SPAG16: variants seen among roughly 807,000 people sequenced by gnomAD.
SPAG16 encodes the protein sperm associated antigen 16.
In SPAG16, 86 loss-of-function variants were observed where a neutral mutation model predicts 80.4. The ratio of observed to expected loss-of-function variants is 1.07; its 90% CI spans 0.90 to 1.28. The LOEUF is 1.28. SPAG16 is among the 50% of genes most tolerant of loss of function. SPAG16 has a pLI of 0.00. For missense variants in SPAG16, 870 were observed against 765.3 expected (o/e 1.14, Z -1.61); for synonymous variants, 294 against 265.9 (o/e 1.11, Z -1.03).
chr2:213,900,203 G>A (rs1188804572), intron 11 of SPAG16, among the ~76,000 whole-genome samples: 4 of 152,080 alleles, frequency 2.6e-5, no homozygotes, highest in South Asian at 4.1e-4. Flanking sequence ...TCAGCTCAGA[G>A]GTCAAAAGAA....
chr2:213,912,804 G>A (rs2077734919), intron 11 of SPAG16, among the ~76,000 whole-genome samples: 1 of 152,070 alleles, frequency 6.6e-6, no homozygotes, highest in African/African-American at 2.4e-5. Flanking sequence ...GAAGCTAAGT[G>A]GCCCAGCTGA....
At chr2:214,215,124 T>C (rs1292419436) in intron 15 of SPAG16, among the ~76,000 whole-genome samples, 1 of 152,042 alleles carries the variant, frequency 6.6e-6, no homozygotes, top group Non-Finnish European at 1.5e-5. Flanking sequence ...AAACCACCTT[T>C]CTCAATATGA....
intron 15 of SPAG16, among the ~76,000 whole-genome samples, chr2:214,244,917 T>A (rs1576583566): frequency 1.3e-5 from 2 of 152,268 alleles, no homozygotes; most frequent in Middle Eastern, 3.4e-3. Flanking sequence ...CTTATTCTCT[T>A]TTTATCTCTA....
intron 13 of SPAG16, among the ~76,000 whole-genome samples, chr2:214,090,226 C>G (rs139099920): frequency 1.3e-5 from 2 of 149,318 alleles, no homozygotes; most frequent in African/African-American, 4.9e-5. Flanking sequence ...AAGATGAAGA[C>G]GAAGAAAAAA....
chr2:213,297,004 T>C, intron 2 of SPAG16: 1 of 1,206,042 alleles, frequency 8.3e-7, no homozygotes, highest in Admixed American at 3.3e-5. Flanking sequence ...AATTGTTAGA[T>C]TACATTTTCT....
At chr2:213,986,891 C>CAAA (rs369965944) in intron 12 of SPAG16, among the ~76,000 whole-genome samples, 889 of 57,632 alleles carry the variant, frequency 0.015, 65 homozygotes, top group East Asian at 0.029. Flanking sequence ...TCTGGTATAG[C>CAAA]AAAAAAAAAA....
chr2:213,870,988 A>T (rs971899055), intron 11 of SPAG16, among the ~76,000 whole-genome samples: 6 of 152,164 alleles, frequency 3.9e-5, no homozygotes, highest in Admixed American at 1.3e-4. Flanking sequence ...GCGAGACCAG[A>T]AATGTAGTCA....
intron 10 of SPAG16, among the ~76,000 whole-genome samples, chr2:213,821,569 C>T (rs562697609): frequency 5.7e-4 from 86 of 152,202 alleles, no homozygotes; most frequent in Non-Finnish European, 1.1e-3. Flanking sequence ...TTTATGTATA[C>T]TATTTTAGTT....
At chr2:213,422,312 T>G (rs1359475723) in intron 9 of SPAG16, 9 of 701,462 alleles carry the variant, frequency 1.3e-5, no homozygotes, top group Admixed American at 4.0e-5. Context: ...TTGCTTGGAG[T>G]GCATCTGATC....
At chr2:213,961,585 G>GTTTT (rs34367751) in intron 12 of SPAG16, among the ~76,000 whole-genome samples, 2 of 137,294 alleles carry the variant, frequency 1.5e-5, no homozygotes, top group Non-Finnish European at 1.6e-5. Flanking sequence ...TCTAACCCTA[G>GTTTT]TTTTTTTTTT....
At chr2:214,398,026 A>T (rs1701496800) in intron 15 of SPAG16, among the ~76,000 whole-genome samples, 1 of 152,166 alleles carries the variant, frequency 6.6e-6, no homozygotes, top group Non-Finnish European at 1.5e-5. Context: ...CTAACCAATA[A>T]GGGAAAATTT....
At chr2:214,262,398 C>T (rs1052652816) in intron 15 of SPAG16, among the ~76,000 whole-genome samples, 5 of 151,574 alleles carry the variant, frequency 3.3e-5, no homozygotes, top group Non-Finnish European at 7.4e-5. Context: ...TATTTTTTAA[C>T]GTAAAAAAAG....
At chr2:214,361,821 C>G (rs1464419044) in intron 15 of SPAG16, among the ~76,000 whole-genome samples, 1 of 151,876 alleles carries the variant, frequency 6.6e-6, no homozygotes, top group Non-Finnish European at 1.5e-5. Context: ...TGTTTCCAAT[C>G]ATTTTGCACA....
At chr2:214,378,887 G>A (rs1700285506) in intron 15 of SPAG16, among the ~76,000 whole-genome samples, 1 of 152,188 alleles carries the variant, frequency 6.6e-6, no homozygotes, top group Non-Finnish European at 1.5e-5. Flanking sequence ...TATAAGGACA[G>A]TTGTATAATG....
chr2:213,440,440 A>G (rs2070874491), intron 9 of SPAG16, among the ~76,000 whole-genome samples: 1 of 152,116 alleles, frequency 6.6e-6, no homozygotes, highest in African/African-American at 2.4e-5. Flanking sequence ...CTGTAGTCCC[A>G]GCTACTCTGG....
At chr2:214,295,668 G>A (rs1694079887) in intron 15 of SPAG16, among the ~76,000 whole-genome samples, 1 of 152,096 alleles carries the variant, frequency 6.6e-6, no homozygotes, top group East Asian at 1.9e-4. Context: ...GCACATGTCT[G>A]TAATCCCAGC....
At chr2:213,800,515 A>C (rs2071329948) in intron 10 of SPAG16, among the ~76,000 whole-genome samples, 1 of 151,982 alleles carries the variant, frequency 6.6e-6, no homozygotes, top group Admixed American at 6.6e-5. Context: ...CTACACGTGC[A>C]CACCACCATG....
chr2:213,430,186 GA>G (rs2070202468), intron 9 of SPAG16, among the ~76,000 whole-genome samples: 1 of 152,182 alleles, frequency 6.6e-6, no homozygotes, highest in East Asian at 1.9e-4. Flanking sequence ...AAAGTTCATT[GA>G]AAGGATTACA....
intron 10 of SPAG16, among the ~76,000 whole-genome samples, chr2:213,538,114 A>G (rs961924638): frequency 2.6e-5 from 4 of 152,210 alleles, no homozygotes; most frequent in African/African-American, 9.6e-5. Context: ...GATAGTGAAA[A>G]TGTTCTAACA....
Sources: allele counts gnomAD v4.1 joint callset (sites outside exome capture counted in the v4.1 genomes callset), GRCh38; gene constraint gnomAD v4.1.1; transcripts MANE v1.5; gene names NCBI Gene and HGNC (gene_info 2026-07-23, HGNC 2026-07-21).